LEMD1: variants seen among roughly 807,000 people sequenced by gnomAD.
LEMD1 encodes the protein LEM domain-containing protein 1.
In LEMD1, 18 loss-of-function variants were observed where a neutral mutation model predicts 17.4. The observed-to-expected ratio is 1.04, with a 90% confidence interval of 0.72 to 1.54. LEMD1 has a LOEUF of 1.54. Among genes scored for constraint, LEMD1 ranks in the 40% most tolerant of loss-of-function variants. The pLI is 0.00. For missense variants in LEMD1, 195 were observed against 210.4 expected, an observed-to-expected ratio of 0.93 and a Z score of 0.45; for synonymous variants, 88 against 77.8, an observed-to-expected ratio of 1.13 and a Z score of -0.69.
chr1:205,418,973 G>C (rs1330345260), intron 3 of LEMD1, among the ~76,000 whole-genome samples: 2 of 152,222 alleles, frequency 1.3e-5, no homozygotes, highest in Non-Finnish European at 2.9e-5. Context: ...TTTGGCTCTA[G>C]TTAGTAAAAG....
At chr1:205,411,462 AGGAGAAT>A (rs1302164126) in intron 4 of LEMD1, among the ~76,000 whole-genome samples, 6 of 151,522 alleles carry the variant, frequency 4.0e-5, no homozygotes. Context: ...AGGCAGAGGC[AGGAGAAT>A]GGCGTGAACC....
intron 3 of LEMD1, among the ~76,000 whole-genome samples, chr1:205,417,544 G>A (rs952973472): frequency 1.3e-5 from 2 of 152,270 alleles, no homozygotes; most frequent in Non-Finnish European, 2.9e-5. Flanking sequence ...TCTGGGACAG[G>A]ACTCTGAACA....
At chr1:205,394,803 G>T (rs915887116) in intron 4 of LEMD1, among the ~76,000 whole-genome samples, 1 of 151,802 alleles carries the variant, frequency 6.6e-6, no homozygotes, top group Admixed American at 6.6e-5. Context: ...CCTGACCAAC[G>T]TGGTGAAACC....
chr1:205,428,242 G>C (rs1666081876), intron 1 of LEMD1, among the ~76,000 whole-genome samples: 1 of 152,176 alleles, frequency 6.6e-6, no homozygotes, highest in Non-Finnish European at 1.5e-5. Flanking sequence ...TTCAACAGTT[G>C]TCAACATTTT....
At chr1:205,418,953 T>C (rs1421098055) in intron 3 of LEMD1, among the ~76,000 whole-genome samples, 2 of 152,228 alleles carry the variant, frequency 1.3e-5, no homozygotes, top group Non-Finnish European at 2.9e-5. Flanking sequence ...TTGTAAGGCA[T>C]CACCACACAT....
Position 205,381,816 on chromosome 1 carries a change from T to C in LEMD1, c.388A>G (p.Thr130Ala), listed in dbSNP as rs747568117. 2 of 1,614,104 alleles carry C rather than the reference T, an allele frequency of 1.2e-6. No individual in the cohort carries two copies. The highest frequency in any genetic ancestry group is 2.2e-5 in the South Asian group (2 of 91,082). Residue 130 changes from threonine to alanine, a missense_variant, in exon 6 of 6, where the codon ACT becomes GCT. Coordinates refer to ENST00000367153, the MANE Select transcript of LEMD1 (RefSeq NM_001199050.2). ...RAPSTRITYG[T>A]ITKERDYCAE... ...CAGTAGTCTCTCTCTTTGGTGATAG[T>C]CCCATATGTGATTCTGGTGCTTGGT...
At chr1:205,411,555 CA>C (rs1224727332) in intron 4 of LEMD1, among the ~76,000 whole-genome samples, 245 of 46,338 alleles carry the variant, frequency 5.3e-3, no homozygotes, top group Middle Eastern at 0.045. Flanking sequence ...GACTCCGTCT[CA>C]AAAAAAAAAA....
At chr1:205,389,175 A>G (rs959741052) in intron 4 of LEMD1, among the ~76,000 whole-genome samples, 1 of 148,960 alleles carries the variant, frequency 6.7e-6, no homozygotes, top group Admixed American at 6.8e-5. Context: ...CAGCCTCCCG[A>G]GTAGCTGAGA....
intron 4 of LEMD1, among the ~76,000 whole-genome samples, chr1:205,412,481 G>C (rs1665496781): frequency 6.6e-6 from 1 of 152,120 alleles, no homozygotes. Context: ...CATTCCACTA[G>C]AAAACAACTA....
At chr1:205,415,789 C>A (rs150152901) in intron 4 of LEMD1, among the ~76,000 whole-genome samples, 1 of 152,206 alleles carries the variant, frequency 6.6e-6, no homozygotes, top group South Asian at 2.1e-4. Context: ...ACCCCAAAAC[C>A]TGTAACCCTC....
In LEMD1 at chr1:205,405,752, C is replaced by T. The variant is rs560026977; in HGVS notation, c.270+10480G>A. Among the ~76,000 whole-genome samples the T allele has an allele frequency of 4.6e-5, 7 of 151,500 alleles. No individual in the cohort carries two copies. In the South Asian group the frequency reaches 6.3e-4, roughly 14 times the overall value. ...TTGTTCCGTTGTTGGTGAGGAACTGCGTTCCTTTGGAGGAGGAGAGGCGCT... is the reference window on the plus strand; with the variant it reads ...TTGTTCCGTTGTTGGTGAGGAACTGTGTTCCTTTGGAGGAGGAGAGGCGCT... On this transcript the variant is annotated intron_variant, in intron 4 of 5. Coordinates refer to ENST00000367153, the MANE Select transcript of LEMD1 (RefSeq NM_001199050.2).
intron 1 of LEMD1, among the ~76,000 whole-genome samples, chr1:205,445,228 C>G (rs529901928): frequency 6.6e-6 from 1 of 152,266 alleles, no homozygotes; most frequent in East Asian, 1.9e-4. Flanking sequence ...GCCTCCTTCC[C>G]CACCCCTTCC....
chr1:205,402,042 G>A (rs1342211554), intron 4 of LEMD1, among the ~76,000 whole-genome samples: 2 of 152,090 alleles, frequency 1.3e-5, no homozygotes, highest in East Asian at 1.9e-4. Flanking sequence ...TGAGGGCTCT[G>A]TTCTGTTCCA....
At chr1:205,443,570 T>C (rs1461178879) in intron 1 of LEMD1, among the ~76,000 whole-genome samples, 1 of 152,188 alleles carries the variant, frequency 6.6e-6, no homozygotes, top group Non-Finnish European at 1.5e-5. Flanking sequence ...GTTCGAGGGC[T>C]GGCTGCCTCA....
chr1:205,404,300 G>C (rs1664989990), intron 4 of LEMD1, among the ~76,000 whole-genome samples: 1 of 151,862 alleles, frequency 6.6e-6, no homozygotes, highest in African/African-American at 2.4e-5. Flanking sequence ...TTGACAGTGG[G>C]GTGTTAAAGT....
At position 205,381,763 on chromosome 1, in the gene LEMD1, C is replaced by T; in HGVS notation, c.441G>A (p.Trp147Ter). The change falls in exon 6 of 6, where the codon TGG becomes TGA. Residue 147 changes from tryptophan to a stop codon, truncating the protein, a stop_gained. Transcript: ENST00000367153. LOFTEE classifies it low-confidence loss of function (END_TRUNC). ...YCAEDQTIESWREEGFPVGLK... is the reference protein window; with the variant it reads ...YCAEDQTIES ...AGCCCACTGGGAAACCTTCTTCTCT[C>T]CAGCTCTCGATAGTCTGGTCTTCCG... 6.2e-7 allele frequency: 1 copy of T among 1,614,230 alleles called. No individual in the cohort carries two copies. The highest frequency in any genetic ancestry group is 8.5e-7 in the Non-Finnish European group (1 of 1,180,044).
chr1:205,392,086 G>A (rs974018399), intron 4 of LEMD1, among the ~76,000 whole-genome samples: 4 of 152,050 alleles, frequency 2.6e-5, no homozygotes, highest in Admixed American at 6.6e-5. Flanking sequence ...ATTCCAGCCT[G>A]GGCGACAGAG....
At position 205,397,710 on chromosome 1, in the gene LEMD1, T is replaced by C. The variant is rs79899374; in HGVS notation, c.271-13346A>G. Among the ~76,000 whole-genome samples, 1,281 of 152,294 alleles carry C rather than the reference T, an allele frequency of 8.4e-3. 13 individuals are homozygous for C. Among genetic ancestry groups the C allele is most frequent in the African/African-American group, 0.029 (1,220 of 41,562 alleles). ...ATTAAAAATAACTCAAGGGTGCTCA[T>C]ATGGGAGGTACAACAGGAAACTCCT... On this transcript the variant is annotated intron_variant, in intron 4 of 5. Transcript: ENST00000367153.
intron 4 of LEMD1, among the ~76,000 whole-genome samples, chr1:205,403,613 T>C (rs375591397): frequency 0.013 from 2,052 of 152,274 alleles, 50 homozygotes; most frequent in African/African-American, 0.047. Flanking sequence ...TTAGTCTTGC[T>C]AGCGGTCTAT....
Sources: allele counts gnomAD v4.1 joint callset (sites outside exome capture counted in the v4.1 genomes callset), GRCh38; gene constraint gnomAD v4.1.1; transcripts MANE v1.5; gene names NCBI Gene and HGNC (gene_info 2026-07-23, HGNC 2026-07-21).